CALD1: variants seen among roughly 807,000 people sequenced by gnomAD.
CALD1 encodes caldesmon 1.
In CALD1, 33 loss-of-function variants were observed where a neutral mutation model predicts 99.9. The observed-to-expected ratio is 0.33, with a 90% CI of 0.25 to 0.44. The LOEUF is 0.44. CALD1 is among the 20% of genes least tolerant of loss of function. CALD1 has a pLI of 1.00. For synonymous variants in CALD1, 310 were observed against 325.0 expected (o/e 0.95, Z 0.50); for missense variants, 861 against 962.1 (o/e 0.89, Z 1.39).
intron 3 of CALD1, among the ~76,000 whole-genome samples, chr7:134,882,472 AT>A: frequency 6.6e-6 from 1 of 152,276 alleles, no homozygotes; most frequent in East Asian, 1.9e-4. Flanking sequence ...TTGTTGGCCT[AT>A]TTACTCCGGT....
chr7:134,832,769 G>A (rs1405167541), intron 1 of CALD1, among the ~76,000 whole-genome samples: 4 of 152,174 alleles, frequency 2.6e-5, no homozygotes, highest in Non-Finnish European at 5.9e-5. Flanking sequence ...CTAAGTTTAA[G>A]GTTTTTCCTT....
intron 1 of CALD1, among the ~76,000 whole-genome samples, chr7:134,773,861 T>C (rs754153511): frequency 6.6e-6 from 1 of 151,706 alleles, no homozygotes; most frequent in African/African-American, 2.4e-5. Context: ...CTTTCCTTAA[T>C]GTGATGCTCA....
intron 1 of CALD1, among the ~76,000 whole-genome samples, chr7:134,817,274 C>T (rs1798599301): frequency 6.6e-6 from 1 of 152,016 alleles, no homozygotes; most frequent in African/African-American, 2.4e-5. Context: ...GGACTTTTTT[C>T]TTTATTTGCT....
At chr7:134,738,009 T>C in the CALD1 span, among the ~76,000 whole-genome samples, 1 of 152,218 alleles carries the variant, frequency 6.6e-6, no homozygotes, top group African/African-American at 2.4e-5. Flanking sequence ...GAGACAAATG[T>C]GTTTCTGTGT....
intron 1 of CALD1, among the ~76,000 whole-genome samples, chr7:134,781,869 TTAAATGAGA>T (rs1797118356): frequency 6.6e-6 from 1 of 152,242 alleles, no homozygotes; most frequent in South Asian, 2.1e-4. Flanking sequence ...TTAAAGGATT[TTAAATGAGA>T]TACATGAAAG....
chr7:134,843,884 G>A lies in CALD1; in HGVS notation c.-129G>A, dbSNP rs1300248868. The A allele has an allele frequency of 6.6e-6, 1 of 152,040 alleles. No individual in the cohort carries two copies. The allele number at this position is 152,040 out of a possible 1,614,324, so 9.4% of individuals were successfully genotyped here. A position where few individuals can be genotyped will look rare whatever the true frequency, so the allele number is the denominator to read the frequency against. On this transcript the variant is annotated splice_region_variant and 5_prime_UTR_variant, in exon 2 of 15. Coordinates refer to ENST00000361675, the MANE Select transcript of CALD1 (RefSeq NM_033138.4). ...TGTTTCCATCCTCCTTTTATTCCAG[G>A]TATCATTGGAACATTTCAAGATCAT... is the stretch of plus-strand genomic sequence containing the variant.
chr7:134,712,820 G>A, the CALD1 span, among the ~76,000 whole-genome samples: 39 of 152,304 alleles, frequency 2.6e-4, no homozygotes, highest in African/African-American at 8.4e-4. Context: ...GGAATCAGGC[G>A]TGCCTTCGAG....
the CALD1 span, among the ~76,000 whole-genome samples, chr7:134,726,477 ATAATATATAT>A: frequency 6.5e-3 from 923 of 142,190 alleles, 36 homozygotes; most frequent in African/African-American, 0.022. Context: ...CTTTAGATAT[ATAATATATAT>A]TATATAGCTT....
chr7:134,898,738 A>G (rs1802759945), intron 3 of CALD1, among the ~76,000 whole-genome samples: 1 of 151,830 alleles, frequency 6.6e-6, no homozygotes, highest in African/African-American at 2.4e-5. Context: ...GTATTTTTGT[A>G]GAGATGGAGT....
intron 2 of CALD1, among the ~76,000 whole-genome samples, chr7:134,863,535 T>C (rs1400347296): frequency 6.6e-6 from 1 of 152,132 alleles, no homozygotes; most frequent in African/African-American, 2.4e-5. Context: ...CATGCACAGG[T>C]GACACAGGTG....
intron 3 of CALD1, among the ~76,000 whole-genome samples, chr7:134,921,115 T>C (rs554706092): frequency 1.3e-4 from 20 of 152,368 alleles, no homozygotes; most frequent in African/African-American, 4.6e-4. Flanking sequence ...AATTGTTCTC[T>C]AGCGGTGAAG....
At chr7:134,784,445 G>T (rs530919792) in intron 1 of CALD1, among the ~76,000 whole-genome samples, 1 of 152,152 alleles carries the variant, frequency 6.6e-6, no homozygotes, top group African/African-American at 2.4e-5. Context: ...GTTCCACTGG[G>T]GTCAGGAGGA....
intron 2 of CALD1, among the ~76,000 whole-genome samples, chr7:134,851,695 G>T (rs1800090120): frequency 6.6e-6 from 1 of 152,130 alleles, no homozygotes; most frequent in African/African-American, 2.4e-5. Flanking sequence ...ATGACTGTCT[G>T]GAAATCTTAC....
chr7:134,755,133 T>C (rs1176418666), intron 1 of CALD1, among the ~76,000 whole-genome samples: 6 of 152,284 alleles, frequency 3.9e-5, no homozygotes, highest in South Asian at 4.1e-4. Flanking sequence ...TCTGAGTAGC[T>C]GGGATTACAG....
intron 3 of CALD1, among the ~76,000 whole-genome samples, chr7:134,896,406 G>A (rs1194432293): frequency 6.6e-6 from 1 of 152,120 alleles, no homozygotes; most frequent in African/African-American, 2.4e-5. Context: ...CCTTTATCTG[G>A]TTATGGATAA....
chr7:134,863,798 T>C (rs1405757015), intron 2 of CALD1, among the ~76,000 whole-genome samples: 1 of 152,062 alleles, frequency 6.6e-6, no homozygotes, highest in Non-Finnish European at 1.5e-5. Flanking sequence ...TTAATAAATA[T>C]AAATATACTT....
intron 1 of CALD1, among the ~76,000 whole-genome samples, chr7:134,824,445 C>CCTCCTTCTT (rs200603777): frequency 2.0e-5 from 3 of 151,918 alleles, no homozygotes; most frequent in African/African-American, 7.3e-5. Context: ...CTTTCCTCCT[C>CCTCCTTCTT]CTCCTTCTTC....
At chr7:134,832,882 A>C (rs1799286915) in intron 1 of CALD1, among the ~76,000 whole-genome samples, 1 of 152,202 alleles carries the variant, frequency 6.6e-6, no homozygotes, top group African/African-American at 2.4e-5. Context: ...TAGTTATTTT[A>C]AGTTATTCAC....
the CALD1 span, among the ~76,000 whole-genome samples, chr7:134,712,168 C>T: frequency 2.6e-5 from 4 of 152,120 alleles, no homozygotes; most frequent in Non-Finnish European, 5.9e-5. Flanking sequence ...TGAAACAATG[C>T]TTAGAGTACT....
Sources: allele counts gnomAD v4.1 joint callset (sites outside exome capture counted in the v4.1 genomes callset), GRCh38; gene constraint gnomAD v4.1.1; transcripts MANE v1.5; gene names NCBI Gene and HGNC (gene_info 2026-07-23, HGNC 2026-07-21).